The following NLGN1 variants were observed in gnomAD, a reference collection of about 807,000 sequenced individuals.
NLGN1 encodes neuroligin-1.
NLGN1 carries 12 observed loss-of-function variants against 65.5 expected under a neutral mutation model. The ratio of observed to expected loss-of-function variants is 0.18; its 90% CI spans 0.12 to 0.30. NLGN1 has a LOEUF of 0.30. Ranked by LOEUF, NLGN1 falls within the 10% of genes least tolerant of loss-of-function variation. NLGN1 has a pLI of 1.00. For synonymous variants in NLGN1, 350 were observed against 359.5 expected (o/e 0.97, Z 0.30); for missense variants, 750 against 1,007.1 (o/e 0.74, Z 3.46).
At chr3:173,894,550 C>T (rs1180307395) in intron 4 of NLGN1, among the ~76,000 whole-genome samples, 1 of 151,972 alleles carries the variant, frequency 6.6e-6, no homozygotes. Flanking sequence ...TATGAGTGTT[C>T]CATTGTTTCC....
intron 3 of NLGN1, among the ~76,000 whole-genome samples, chr3:173,728,592 T>TCAG (rs747477688): frequency 6.6e-6 from 1 of 152,116 alleles, no homozygotes; most frequent in African/African-American, 2.4e-5. Context: ...TAAGATGTAC[T>TCAG]TAGTTCAGAT....
intron 4 of NLGN1, among the ~76,000 whole-genome samples, chr3:173,992,905 CT>C (rs1461885304): frequency 1.3e-5 from 2 of 151,968 alleles, no homozygotes; most frequent in Non-Finnish European, 2.9e-5. Flanking sequence ...TCTTAGTCTA[CT>C]TTTTTTCTCC....
intron 2 of NLGN1, among the ~76,000 whole-genome samples, chr3:173,519,994 A>T (rs1560375775): frequency 6.6e-6 from 1 of 152,248 alleles, no homozygotes; most frequent in East Asian, 1.9e-4. Context: ...TGAATGGTTT[A>T]GCGTCATCCT....
In NLGN1 at chr3:174,279,389, A is replaced by G; in HGVS notation, c.1388A>G (p.His463Arg). 6.2e-7 allele frequency: 1 copy of G among 1,613,388 alleles called. No homozygotes were observed. The highest frequency in any genetic ancestry group is 8.5e-7 in the Non-Finnish European group (1 of 1,179,578). ...ACATTACTGGCTTTGTTTACGGACC[A>G]TCAGTGGGTGGCACCAGCTGTAGCC... Residue 463 changes from histidine (H) to arginine (R), a missense_variant, in exon 6 of 7, where the codon CAT (histidine) becomes CGT (arginine). By Grantham distance (29) the His-to-Arg change is conservative. Transcript: ENST00000457714. This position sits in a 1 kb window ranked among gnomAD's most constrained non-coding sequence, Gnocchi z 4.7.
chr3:174,217,298 TAA>T (rs1737799830), intron 4 of NLGN1, among the ~76,000 whole-genome samples: 1 of 152,164 alleles, frequency 6.6e-6, no homozygotes, highest in African/African-American at 2.4e-5. Context: ...GATCTCATGT[TAA>T]CTGATTGCAT....
chr3:173,763,567 CTTTGT>C (rs1484063043), intron 3 of NLGN1, among the ~76,000 whole-genome samples: 5 of 151,962 alleles, frequency 3.3e-5, no homozygotes, highest in Non-Finnish European at 7.4e-5. Flanking sequence ...ACCTGTGAAA[CTTTGT>C]TTTGATACAC....
intron 2 of NLGN1, among the ~76,000 whole-genome samples, chr3:173,514,692 C>A (rs932404271): frequency 6.6e-6 from 1 of 152,098 alleles, no homozygotes; most frequent in Admixed American, 6.6e-5. Context: ...CTGGTAACCA[C>A]AATTATATTG....
chr3:174,019,447 T>TG (rs1235762001), intron 4 of NLGN1, among the ~76,000 whole-genome samples: 9 of 152,122 alleles, frequency 5.9e-5, no homozygotes, highest in African/African-American at 1.9e-4. Context: ...TCACCAGATG[T>TG]GGCCCCTCAA....
At chr3:174,092,931 A>T (rs1358031538) in intron 4 of NLGN1, among the ~76,000 whole-genome samples, 1 of 152,178 alleles carries the variant, frequency 6.6e-6, no homozygotes, top group Non-Finnish European at 1.5e-5. Flanking sequence ...CTAAGCCATT[A>T]TCAAAATGAA....
intron 4 of NLGN1, among the ~76,000 whole-genome samples, chr3:174,172,531 A>G (rs1191293185): frequency 6.6e-6 from 1 of 152,034 alleles, no homozygotes; most frequent in East Asian, 1.9e-4. Flanking sequence ...ATTCTTTTGC[A>G]TATAGGTGTC....
intron 1 of NLGN1, among the ~76,000 whole-genome samples, chr3:173,426,974 A>AT (rs1337770090): frequency 3.3e-5 from 5 of 151,922 alleles, no homozygotes; most frequent in African/African-American, 7.2e-5. Flanking sequence ...CTTTGTGGAG[A>AT]TTTTTAAAAT....
At chr3:173,499,861 G>T (rs1323205868) in intron 2 of NLGN1, among the ~76,000 whole-genome samples, 2 of 151,778 alleles carry the variant, frequency 1.3e-5, no homozygotes, top group South Asian at 4.1e-4. Context: ...CTGTTTGTCT[G>T]TTATTGGTGT....
intron 4 of NLGN1, among the ~76,000 whole-genome samples, chr3:174,103,421 ATACTC>A (rs1157902775): frequency 6.6e-6 from 1 of 152,142 alleles, no homozygotes; most frequent in Non-Finnish European, 1.5e-5. Flanking sequence ...CACGTTAAAA[ATACTC>A]TAATAGGAAA....
intron 4 of NLGN1, among the ~76,000 whole-genome samples, chr3:174,139,093 C>G (rs1177137343): frequency 6.6e-6 from 1 of 151,798 alleles, no homozygotes; most frequent in Non-Finnish European, 1.5e-5. Flanking sequence ...GCACATCTTG[C>G]ACAAGTGATG....
chr3:174,291,400 A>G (rs964689585), downstream of NLGN1, among the ~76,000 whole-genome samples: 1 of 151,206 alleles, frequency 6.6e-6, no homozygotes, highest in South Asian at 2.1e-4. Context: ...CACACTGAAT[A>G]TATGAAATAA....
chr3:173,885,827 A>C lies in NLGN1; in HGVS notation c.646+77995A>C, dbSNP rs75465184. On this transcript the variant is annotated intron_variant, in intron 4 of 6. Coordinates refer to ENST00000457714, the Ensembl canonical transcript of NLGN1. Reference sequence around the variant, plus strand: ...AGCAAATATGAAAAACTGTATAAATATTCATTACTTAATGGATTCATAAAT... The same window carrying C: ...AGCAAATATGAAAAACTGTATAAATCTTCATTACTTAATGGATTCATAAAT... Among the ~76,000 whole-genome samples the C allele has an allele frequency of 3.2e-3, 486 of 152,252 alleles. 7 individuals are homozygous for C. The highest frequency in any genetic ancestry group is 0.011 in the African/African-American group (468 of 41,564).
intron 2 of NLGN1, among the ~76,000 whole-genome samples, chr3:173,501,320 T>C (rs1420499171): frequency 6.6e-6 from 1 of 152,088 alleles, no homozygotes; most frequent in Admixed American, 6.6e-5. Flanking sequence ...GTGTTCTCAT[T>C]GTTCAGCTCC....
At chr3:173,915,069 G>C (rs893925946) in intron 4 of NLGN1, 2 of 152,186 alleles carry the variant, frequency 1.3e-5, no homozygotes. Context: ...GGGCTCTTAA[G>C]ATTAGCTGGT....
At chr3:173,647,885 T>A (rs1758527164) in intron 3 of NLGN1, among the ~76,000 whole-genome samples, 2 of 152,086 alleles carry the variant, frequency 1.3e-5, no homozygotes, top group Admixed American at 1.3e-4. Context: ...ATTGTTGAGA[T>A]AAATCAAAGA....
Sources: allele counts gnomAD v4.1 joint callset (sites outside exome capture counted in the v4.1 genomes callset), GRCh38; gene constraint gnomAD v4.1.1; non-coding constraint Gnocchi (gnomAD v3.1); transcripts MANE v1.5; gene names NCBI Gene and HGNC (gene_info 2026-07-23, HGNC 2026-07-21).